Variants in SHISA9 observed in about 807,000 individuals in gnomAD.
SHISA9 encodes the protein protein shisa-9.
Under a neutral mutation model 38.0 loss-of-function variants are expected in SHISA9, and 13 were observed. The ratio of observed to expected loss-of-function variants is 0.34; its 90% CI spans 0.22 to 0.54. The LOEUF (loss-of-function observed/expected upper bound fraction) is 0.54, where lower values mean the gene tolerates loss of function less well. Ranked by LOEUF, SHISA9 falls within the 20% of genes least tolerant of loss-of-function variation. SHISA9 has a pLI of 0.91. For missense variants in SHISA9, 538 were observed against 575.8 expected, an observed-to-expected ratio of 0.93 and a Z score of 0.67; for synonymous variants, 275 against 242.0, an observed-to-expected ratio of 1.14 and a Z score of -1.27.
chr16:13,422,556 C>G, the SHISA9 span, among the ~76,000 whole-genome samples: 2 of 152,104 alleles, frequency 1.3e-5, no homozygotes, highest in Non-Finnish European at 2.9e-5. Flanking sequence ...ATTAGCTGGG[C>G]ATGGTGGTGC....
At chr16:13,272,992 T>A in the SHISA9 span, among the ~76,000 whole-genome samples, 1 of 152,138 alleles carries the variant, frequency 6.6e-6, no homozygotes, top group Admixed American at 6.6e-5. Context: ...GCTTTCTCTC[T>A]CATTTCCTGA....
the SHISA9 span, among the ~76,000 whole-genome samples, chr16:13,247,471 G>C: frequency 6.6e-6 from 1 of 152,186 alleles, no homozygotes; most frequent in African/African-American, 2.4e-5. Context: ...CAGAGCAAGT[G>C]CTGGAGCGAG....
chr16:13,559,000 A>T, the SHISA9 span, among the ~76,000 whole-genome samples: 1 of 152,204 alleles, frequency 6.6e-6, no homozygotes, highest in Non-Finnish European at 1.5e-5. Context: ...AATAATGAAG[A>T]TCAATTTATA....
chr16:13,358,431 G>A, the SHISA9 span, among the ~76,000 whole-genome samples: 1 of 151,992 alleles, frequency 6.6e-6, no homozygotes, highest in Admixed American at 6.6e-5. Flanking sequence ...CCTTCGCTGT[G>A]TCCACGTGTT....
intron 2 of SHISA9, among the ~76,000 whole-genome samples, chr16:13,035,818 GC>G (rs1294077071): frequency 6.6e-6 from 1 of 152,320 alleles, no homozygotes; most frequent in East Asian, 1.9e-4. Flanking sequence ...TTTGTTGATA[GC>G]ATTAATATCA....
chr16:13,203,619 CTT>C, intron 3 of SHISA9, 70 bp downstream of exon 3: 7 of 1,357,044 alleles, frequency 5.2e-6, no homozygotes, highest in Non-Finnish European at 6.7e-6. Context: ...TTGTAGATCT[CTT>C]TATCTCCAGT....
chr16:13,200,633 C>T (rs1380991565), intron 2 of SHISA9, among the ~76,000 whole-genome samples: 1 of 80,432 alleles, frequency 1.2e-5, no homozygotes, highest in East Asian at 2.4e-4. Context: ...GAAAGCCATA[C>T]CTTATCAACA....
chr16:13,019,352 C>T (rs187601854), intron 2 of SHISA9, among the ~76,000 whole-genome samples: 52 of 152,194 alleles, frequency 3.4e-4, no homozygotes, highest in African/African-American at 1.2e-3. Context: ...ATCAAGGTTC[C>T]GGCAGATCCA....
At chr16:12,921,532 C>T (rs1290107980) in intron 2 of SHISA9, among the ~76,000 whole-genome samples, 12 of 152,184 alleles carry the variant, frequency 7.9e-5, no homozygotes, top group African/African-American at 2.2e-4. Context: ...GAGGCAAAGG[C>T]GGGAGGATCG....
At chr16:13,544,964 TAGTGTCAACAGTTTA>T in the SHISA9 span, among the ~76,000 whole-genome samples, 11 of 152,180 alleles carry the variant, frequency 7.2e-5, 1 homozygote, top group South Asian at 1.0e-3. Flanking sequence ...AGAAGACTGA[TAGTGTCAACAGTTTA>T]GCATTGATCT....
the SHISA9 span, among the ~76,000 whole-genome samples, chr16:13,495,805 A>G: frequency 6.6e-6 from 1 of 152,208 alleles, no homozygotes; most frequent in Non-Finnish European, 1.5e-5. Flanking sequence ...AGTTAAATCT[A>G]CATTGAAACA....
At chr16:13,349,406 C>A in the SHISA9 span, among the ~76,000 whole-genome samples, 5 of 152,214 alleles carry the variant, frequency 3.3e-5, no homozygotes, top group Admixed American at 1.3e-4. Flanking sequence ...TCTAGAGATG[C>A]GTATGTGACT....
At chr16:12,976,035 G>C (rs2072157547) in intron 2 of SHISA9, among the ~76,000 whole-genome samples, 1 of 151,962 alleles carries the variant, frequency 6.6e-6, no homozygotes, top group Non-Finnish European at 1.5e-5. Context: ...ACCAATCATG[G>C]GTTGGCTGCA....
the SHISA9 span, among the ~76,000 whole-genome samples, chr16:13,514,453 T>G: frequency 1.9e-4 from 29 of 152,238 alleles, no homozygotes; most frequent in African/African-American, 7.0e-4. Context: ...AAAAGAATAT[T>G]ATAAGTGTAT....
chr16:13,044,876 A>G (rs1210868148), intron 2 of SHISA9, among the ~76,000 whole-genome samples: 1 of 152,238 alleles, frequency 6.6e-6, no homozygotes, highest in Non-Finnish European at 1.5e-5. Context: ...CTCCCATCAT[A>G]AAAAGTCAAA....
At chr16:13,094,180 A>G (rs536321784) in intron 2 of SHISA9, among the ~76,000 whole-genome samples, 1 of 152,162 alleles carries the variant, frequency 6.6e-6, no homozygotes, top group Non-Finnish European at 1.5e-5. Context: ...AAGTATGACA[A>G]ATTTCCCAAC....
At chr16:13,023,473 T>C (rs951449647) in intron 2 of SHISA9, among the ~76,000 whole-genome samples, 3 of 152,222 alleles carry the variant, frequency 2.0e-5, no homozygotes, top group African/African-American at 7.2e-5. Flanking sequence ...AGTGCCGCAA[T>C]AAACATACAT....
chr16:13,499,293 G>C, the SHISA9 span, among the ~76,000 whole-genome samples: 2 of 152,290 alleles, frequency 1.3e-5, no homozygotes, highest in South Asian at 2.1e-4. Flanking sequence ...GGAAAATGAC[G>C]TAGTTTTGGC....
chr16:13,197,154 TATAGAGAG>T (rs928845174), intron 2 of SHISA9, among the ~76,000 whole-genome samples: 1 of 148,644 alleles, frequency 6.7e-6, no homozygotes, highest in Non-Finnish European at 1.5e-5. Context: ...TGTATATATA[TATAGAGAG>T]AGAGAGAGAG....
Sources: allele counts gnomAD v4.1 joint callset (sites outside exome capture counted in the v4.1 genomes callset), GRCh38; gene constraint gnomAD v4.1.1; transcripts MANE v1.5; gene names NCBI Gene and HGNC (gene_info 2026-07-23, HGNC 2026-07-21).